EBF3: variants seen among roughly 807,000 people sequenced by gnomAD.
EBF3 encodes EBF transcription factor 3.
EBF3 carries 18 observed loss-of-function variants against 77.1 expected under a neutral mutation model. The observed-to-expected ratio is 0.23, with a 90% CI of 0.16 to 0.35. The LOEUF is 0.35. Ranked by LOEUF, EBF3 falls within the 10% of genes least tolerant of loss-of-function variation. EBF3 has a pLI of 1.00. For synonymous variants in EBF3, 350 were observed against 343.5 expected (o/e 1.02, Z -0.21); for missense variants, 558 against 860.0 (o/e 0.65, Z 4.39).
rs571323472 is a variant in EBF3, at chr10:129,880,477, GCACATACATATGCACACA to G, written c.555-2646_555-2629del. Among the ~76,000 whole-genome samples the G allele has an allele frequency of 5.4e-3, 818 of 151,744 alleles. 14 individuals carry two copies. The highest frequency in any genetic ancestry group is 0.043 in the Admixed American group (659 of 15,240). ...CACATGCAGACACATGCACACATAC[GCACATACATATGCACACA>G]CACATACATATGCACACACACACAT... On this transcript the variant is annotated intron_variant, in intron 6 of 16. Transcript: ENST00000440978.
chr10:129,951,351 G>A (rs1045968376), intron 6 of EBF3, among the ~76,000 whole-genome samples: 2 of 152,222 alleles, frequency 1.3e-5, no homozygotes, highest in South Asian at 4.1e-4. Flanking sequence ...TAAGGCTGCC[G>A]CAGCGGTGCA....
chr10:129,872,162 T>C (rs1359317243), intron 8 of EBF3, among the ~76,000 whole-genome samples: 4 of 152,168 alleles, frequency 2.6e-5, no homozygotes, highest in African/African-American at 7.2e-5. Flanking sequence ...CTTGAACCTA[T>C]TGCGTGAAAG....
intron 5 of EBF3, among the ~76,000 whole-genome samples, chr10:129,957,557 C>T (rs1859139514): frequency 6.6e-6 from 1 of 152,122 alleles, no homozygotes; most frequent in Admixed American, 6.5e-5. Flanking sequence ...GGAGGGTAAC[C>T]AGAGTACTAT....
At chr10:129,931,356 G>C (rs1178373134) in intron 6 of EBF3, among the ~76,000 whole-genome samples, 1 of 152,192 alleles carries the variant, frequency 6.6e-6, no homozygotes, top group Non-Finnish European at 1.5e-5. Flanking sequence ...GTGCATCTTG[G>C]TACCATCCCC....
chr10:129,850,683 T>C (rs12783441), intron 10 of EBF3, among the ~76,000 whole-genome samples: 10,906 of 152,260 alleles, frequency 0.072, 621 homozygotes, highest in East Asian at 0.29. Context: ...TCTTTTTAAA[T>C]TGCAGGAGGA....
At chr10:129,930,321 A>ATATATC (rs1027115290) in intron 6 of EBF3, among the ~76,000 whole-genome samples, 2 of 151,712 alleles carry the variant, frequency 1.3e-5, no homozygotes, top group Admixed American at 6.6e-5. Context: ...TCCCCCTCTC[A>ATATATC]TATATCTATA....
chr10:129,878,804 A>C (rs1022338755), intron 6 of EBF3, among the ~76,000 whole-genome samples: 9 of 133,112 alleles, frequency 6.8e-5, no homozygotes, highest in South Asian at 4.9e-4. Context: ...AGCCTGGGCA[A>C]CACAGTGAAA....
At chr10:129,956,536 G>A (rs551177504) in intron 6 of EBF3, among the ~76,000 whole-genome samples, 46 of 152,300 alleles carry the variant, frequency 3.0e-4, no homozygotes, top group Non-Finnish European at 4.3e-4. Context: ...CTAAAGCTAT[G>A]CCAAATGCAC....
chr10:129,913,534 C>T (rs1223613047), intron 6 of EBF3, among the ~76,000 whole-genome samples: 1 of 152,278 alleles, frequency 6.6e-6, no homozygotes, highest in Non-Finnish European at 1.5e-5. Context: ...GGGGAACGGC[C>T]GGCAGAGCCG....
intron 10 of EBF3, among the ~76,000 whole-genome samples, chr10:129,856,459 T>C (rs1851259276): frequency 6.6e-6 from 1 of 152,030 alleles, no homozygotes; most frequent in Non-Finnish European, 1.5e-5. Context: ...ACACGCAAAG[T>C]GAAAGAAGCC....
intron 6 of EBF3, among the ~76,000 whole-genome samples, chr10:129,942,609 G>A (rs1468268887): frequency 1.3e-5 from 2 of 152,114 alleles, no homozygotes; most frequent in South Asian, 2.1e-4. Context: ...GGGAAAATTG[G>A]GGACTACCAC....
intron 11 of EBF3, among the ~76,000 whole-genome samples, chr10:129,844,266 ATC>A (rs1286066388): frequency 1.3e-5 from 2 of 152,244 alleles, no homozygotes; most frequent in East Asian, 3.9e-4. Flanking sequence ...GTGTGTCTAC[ATC>A]TGGGCACCTC....
intron 6 of EBF3, among the ~76,000 whole-genome samples, chr10:129,913,038 G>C (rs1234076808): frequency 2.6e-5 from 4 of 152,194 alleles, no homozygotes; most frequent in Non-Finnish European, 5.9e-5. Context: ...GCAAAAAACC[G>C]AAATGTTGAT....
At chr10:129,896,289 A>G (rs1182094452) in intron 6 of EBF3, among the ~76,000 whole-genome samples, 1 of 152,252 alleles carries the variant, frequency 6.6e-6, no homozygotes, top group African/African-American at 2.4e-5. Flanking sequence ...TGGTCATAGC[A>G]GCCACCATGC....
At chr10:129,953,388 C>T (rs1428016640) in intron 6 of EBF3, among the ~76,000 whole-genome samples, 2 of 152,080 alleles carry the variant, frequency 1.3e-5, no homozygotes, top group East Asian at 3.9e-4. Flanking sequence ...GACAAAACTT[C>T]ATCCTCCCCC....
chr10:129,916,279 G>A (rs1327636065), intron 6 of EBF3, among the ~76,000 whole-genome samples: 2 of 152,202 alleles, frequency 1.3e-5, no homozygotes, highest in African/African-American at 4.8e-5. Context: ...CACCAGCTCT[G>A]TGACCCTGGA....
At position 129,943,215 on chromosome 10, in the gene EBF3, C is replaced by T. The variant is rs905781198; in HGVS notation, c.554+14043G>A. On this transcript the variant is annotated intron_variant, in intron 6 of 16. Transcript: ENST00000440978. This position sits in a 1 kb window ranked among gnomAD's most constrained non-coding sequence, Gnocchi z 8.8. ...TGGGGCCAGGCCTGACCCGGCCTTC[C>T]CAGTTGGAGGGGATTTCAGCGGCTC... is the stretch of plus-strand genomic sequence containing the variant. Among the ~76,000 whole-genome samples, 2 of 152,168 alleles carry T rather than the reference C, an allele frequency of 1.3e-5. No individual in the cohort carries two copies. Among genetic ancestry groups the T allele is most frequent in the Non-Finnish European group, 2.9e-5 (2 of 68,026 alleles).
At chr10:129,922,908 C>A (rs477493) in intron 6 of EBF3, among the ~76,000 whole-genome samples, 55,848 of 152,086 alleles carry the variant, frequency 0.37, 12,408 homozygotes, top group African/African-American at 0.64. Context: ...GGGTGAGGCC[C>A]CCCCGACCAT....
Position 129,938,797 on chromosome 10 carries a change from T to C in EBF3, c.554+18461A>G, listed in dbSNP as rs895755918. Among the ~76,000 whole-genome samples, 1 of 152,078 alleles carries C rather than the reference T, an allele frequency of 6.6e-6. No homozygotes were observed. The highest frequency in any genetic ancestry group is 2.4e-5 in the African/African-American group (1 of 41,406). ...GCAAGATGTTACATGGGGGTCTTCG[T>C]GGCCCATAAAACCAACCTGGGGAAA... On this transcript the variant is annotated intron_variant, in intron 6 of 16. Coordinates refer to ENST00000440978, the MANE Select transcript of EBF3 (RefSeq NM_001375380.1). This position sits in a 1 kb window ranked among gnomAD's most constrained non-coding sequence, Gnocchi z 5.1.
Sources: allele counts gnomAD v4.1 joint callset (sites outside exome capture counted in the v4.1 genomes callset), GRCh38; gene constraint gnomAD v4.1.1; non-coding constraint Gnocchi (gnomAD v3.1); transcripts MANE v1.5; gene names NCBI Gene and HGNC (gene_info 2026-07-23, HGNC 2026-07-21).